The following DDX17 variants were observed in gnomAD, a reference collection of about 807,000 sequenced individuals.
DDX17 encodes the protein probable ATP-dependent RNA helicase DDX17.
Under a neutral mutation model 80.8 loss-of-function variants are expected in DDX17, and 10 were observed. That is an observed-to-expected ratio of 0.12 (90% CI 0.08 to 0.21). DDX17 has a LOEUF of 0.21. DDX17 is among the 10% of genes least tolerant of loss of function. The pLI is 1.00. For synonymous variants in DDX17, 339 were observed against 336.2 expected, an observed-to-expected ratio of 1.01 and a Z score of -0.09; for missense variants, 586 against 957.4, an observed-to-expected ratio of 0.61 and a Z score of 5.12.
At chr22:38,503,142 T>A (rs761123269) in intron 1 of DDX17, among the ~76,000 whole-genome samples, 26 of 152,306 alleles carry the variant, frequency 1.7e-4, no homozygotes, top group Middle Eastern at 3.4e-3. Context: ...GGGATACCCG[T>A]GTCAGCGACA....
chr22:38,486,440 C>A lies in DDX17; in HGVS notation c.1685G>T (p.Gly562Val). 2 of 1,597,636 alleles carry A rather than the reference C, an allele frequency of 1.3e-6. No homozygotes were observed. The highest frequency in any genetic ancestry group is 1.7e-6 in the Non-Finnish European group (2 of 1,171,456). Residue 562 changes from glycine to valine, a missense_variant and splice_region_variant, in exon 13 of 13, where the codon GGT (glycine) becomes GTT (valine). Gly to Val is a moderately radical substitution (Grantham distance 109, BLOSUM62 -3). Transcript: ENST00000403230. ...AGTGGTCCGGTAACGAGAACGACCA[C>A]CTAATGGGAAGATACAAGAAGATTT... is the stretch of plus-strand genomic sequence containing the variant.
chr22:38,488,266 A>G (rs768614874), intron 11 of DDX17, 151 bp from the exon 12 acceptor site: 3 of 1,547,198 alleles, frequency 1.9e-6, no homozygotes, highest in African/African-American at 1.4e-5. Flanking sequence ...AGAAACAAAA[A>G]AAGACTCATC....
chr22:38,489,113 C>A lies in DDX17; in HGVS notation c.1448-998G>T, dbSNP rs2089690122. 2 of 984,254 alleles carry A rather than the reference C, an allele frequency of 2.0e-6. No homozygotes were observed. The highest frequency in any genetic ancestry group is 1.2e-6 in the Non-Finnish European group (1 of 829,060). The allele number at this position is 984,254 out of a possible 1,614,324, so 61.0% of individuals were successfully genotyped here. On this transcript the variant is annotated intron_variant, in intron 11 of 12. Coordinates refer to ENST00000403230, the MANE Select transcript of DDX17 (RefSeq NM_006386.5). This position sits in a 1 kb window ranked among gnomAD's most constrained non-coding sequence, Gnocchi z 4.6. ...TTTAAGAATATAACAAAGAATCCTA[C>A]TGTTTTGTGGAAAAAAATCTGCATT...
At chr22:38,498,834 T>C (rs1197214847) in intron 3 of DDX17, among the ~76,000 whole-genome samples, 3 of 152,224 alleles carry the variant, frequency 2.0e-5, no homozygotes, top group African/African-American at 4.8e-5. Context: ...CTGGTCAACA[T>C]GGTGAACCCT....
At chr22:38,486,543 A>G in intron 12 of DDX17, 103 bp from the exon 13 acceptor site, 1 of 1,422,476 alleles carries the variant, frequency 7.0e-7, no homozygotes, top group Non-Finnish European at 9.3e-7. Context: ...TGTCTCCTTG[A>G]TATTTAGTTA....
Position 38,489,381 on chromosome 22 carries a change from G to A in DDX17, c.1448-1266C>T. On this transcript the variant is annotated intron_variant, in intron 11 of 12. Coordinates refer to ENST00000403230, the MANE Select transcript of DDX17 (RefSeq NM_006386.5). The surrounding 1 kb of genome is among the most constrained non-coding windows in gnomAD (Gnocchi z 4.6). ...CATCAAGGGTCCGTGGCAGTGAGAA[G>A]TCCCCACACACGCTCGCTCTGTGAA... 1 of 985,736 alleles carries A rather than the reference G, an allele frequency of 1.0e-6. No homozygotes were observed. The highest frequency in any genetic ancestry group is 1.2e-6 in the Non-Finnish European group (1 of 829,928). 61.1% of individuals were successfully genotyped at this position (985,736 alleles called of 1,614,324 possible).
intron 8 of DDX17, 138 bp downstream of exon 8, chr22:38,494,492 G>A: frequency 1.3e-6 from 1 of 768,424 alleles, no homozygotes; most frequent in Non-Finnish European, 2.0e-6. Context: ...ATGATATGAT[G>A]ATGGATTATC....
chr22:38,491,875 TAAA>T, intron 11 of DDX17, 178 bp downstream of exon 11: 1 of 416,422 alleles, frequency 2.4e-6, no homozygotes, highest in Non-Finnish European at 3.9e-6. Flanking sequence ...AAACCAAAGT[TAAA>T]AAAAATTGTG....
At position 38,506,243 on chromosome 22, in the gene DDX17, G is replaced by A. The variant is rs988791671; in HGVS notation, c.-6C>T. 3.1e-6 allele frequency: 5 copies of A among 1,599,746 alleles called. No individual in the cohort carries two copies. The highest frequency in any genetic ancestry group is 4.3e-6 in the Non-Finnish European group (5 of 1,174,312). On this transcript the variant is annotated 5_prime_UTR_variant, in exon 1 of 13. Coordinates refer to ENST00000403230, the MANE Select transcript of DDX17 (RefSeq NM_006386.5). ...GCTACAAAGCCGGTGGGCAGGTTTG[G>A]CTACGCTCAAACCGGGCAGTGCCGC...
At chr22:38,499,270 A>C (rs2089802636) in intron 3 of DDX17, 130 bp downstream of exon 3, 1 of 695,320 alleles carries the variant, frequency 1.4e-6, no homozygotes, top group South Asian at 1.7e-5. Context: ...AACAGAACTG[A>C]TGACCATAAA....
chr22:38,498,118 G>C lies in DDX17; in HGVS notation c.705C>G (p.His235Gln), dbSNP rs745572690. ...CATCTCCCCTTTCCAAGTATGGCTG[G>C]TGGTTAATATGAACAATTGCAGGCA... Residue 235 changes from histidine (H) to glutamine (Q), a missense_variant, in exon 5 of 13, where the codon CAC (histidine) becomes CAG (glutamine). This residue lies in a region of DDX17 where 141 missense variants were observed against 379.3 expected (regional missense o/e 0.37). Coordinates refer to ENST00000403230, the MANE Select transcript of DDX17 (RefSeq NM_006386.5). 3 of 1,614,092 alleles carry C rather than the reference G, an allele frequency of 1.9e-6. No individual in the cohort carries two copies. Among genetic ancestry groups the C allele is most frequent in the Non-Finnish European group, 2.5e-6 (3 of 1,180,020 alleles).
At chr22:38,500,172 C>A (rs1166679350) in intron 2 of DDX17, among the ~76,000 whole-genome samples, 32 of 22,388 alleles carry the variant, frequency 1.4e-3, no homozygotes, top group African/African-American at 3.5e-3. Flanking sequence ...TGAGACTTCA[C>A]CTCAAAAAAA....
intron 12 of DDX17, among the ~76,000 whole-genome samples, chr22:38,487,172 C>A (rs567446905): frequency 6.6e-6 from 1 of 152,078 alleles, no homozygotes; most frequent in Non-Finnish European, 1.5e-5. Flanking sequence ...TCTCTGCCCC[C>A]GCCCCGCCAA....
At chr22:38,503,084 G>C (rs1407241191) in intron 1 of DDX17, among the ~76,000 whole-genome samples, 2 of 152,148 alleles carry the variant, frequency 1.3e-5, no homozygotes, top group Non-Finnish European at 2.9e-5. Flanking sequence ...CCACTACTGA[G>C]ACAGTGAAGA....
chr22:38,502,656 C>T (rs990817928), intron 1 of DDX17, among the ~76,000 whole-genome samples: 1 of 152,152 alleles, frequency 6.6e-6, no homozygotes, highest in Non-Finnish European at 1.5e-5. Flanking sequence ...CTAGCCAAAG[C>T]TAATATTTAA....
intron 6 of DDX17, among the ~76,000 whole-genome samples, 200 bp from the exon 7 acceptor site, chr22:38,495,246 A>ATTTTTT (rs138442): frequency 2.3e-5 from 3 of 130,638 alleles, no homozygotes; most frequent in South Asian, 2.5e-4. Context: ...CAGAGAAGCT[A>ATTTTTT]TTTTTTTTTT....
In DDX17 at chr22:38,487,942, T is replaced by C; in HGVS notation, c.1621A>G (p.Asn541Asp). ...ATCAGTTTTGGATTGATAGCCTGAT[T>C]GGCCTCTTCCAGCACTTTGATAAGC... Residue 541 changes from asparagine to aspartate, a missense_variant, in exon 12 of 13, where the codon AAT (asparagine) becomes GAT (aspartate). Transcript: ENST00000403230. 1 of 1,614,252 alleles carries C rather than the reference T, an allele frequency of 6.2e-7. No homozygotes were observed. The highest frequency in any genetic ancestry group is 8.5e-7 in the Non-Finnish European group (1 of 1,180,032).
rs747839648 is a variant in DDX17 at position 38,485,945 on chromosome 22, G to A, written c.2180C>T (p.Ser727Leu). The A allele has an allele frequency of 6.2e-7, 1 of 1,613,706 alleles. No homozygotes were observed. The highest frequency in any genetic ancestry group is 1.1e-5 in the South Asian group (1 of 91,034). Reference sequence around the variant, plus strand: ...ACCACTTGAGTGGTTTCATTTACGTGAAGGAGGAGGAGGGGGAGGAGGAGG... The same window carrying A: ...ACCACTTGAGTGGTTTCATTTACGTAAAGGAGGAGGAGGGGGAGGAGGAGG... Residue 727 changes from serine (S) to leucine (L), a missense_variant, in exon 13 of 13, where the codon TCA (serine) becomes TTA (leucine). By Grantham distance (145) the Ser-to-Leu change is moderately radical (BLOSUM62 -2). Around this residue, in one of 4 missense-constraint regions of DDX17, gnomAD observed 221 missense variants for 261.4 expected, o/e 0.85. Coordinates refer to ENST00000403230, the MANE Select transcript of DDX17 (RefSeq NM_006386.5).
intron 5 of DDX17, among the ~76,000 whole-genome samples, chr22:38,497,621 A>G: frequency 1.4e-5 from 2 of 139,832 alleles, no homozygotes; most frequent in East Asian, 4.0e-4. Context: ...TATATCTCCA[A>G]AAAAAAAAAA....
Sources: gnomAD v4.1 joint callset for allele counts (sites outside exome capture counted in the v4.1 genomes callset) on GRCh38, gnomAD v4.1.1 for gene constraint, gnomAD v4.1.1 regional missense constraint, Gnocchi (gnomAD v3.1) non-coding constraint, MANE v1.5 for transcripts, NCBI Gene and HGNC (gene_info 2026-07-23, HGNC 2026-07-21) for gene names.